Variants in EHMT1 observed in about 807,000 individuals in gnomAD.
EHMT1 encodes histone-lysine N-methyltransferase EHMT1.
A neutral mutation model predicts 147.2 loss-of-function variants in EHMT1; 15 were observed. The ratio of observed to expected loss-of-function variants is 0.10; its 90% CI spans 0.07 to 0.16. EHMT1 has a LOEUF of 0.16. Ranked by LOEUF, EHMT1 falls within the 10% of genes least tolerant of loss-of-function variation. The pLI, the probability that EHMT1 is intolerant of heterozygous loss-of-function variation, is 1.00. For missense variants in EHMT1, 1,587 were observed against 1,772.4 expected (o/e 0.90, Z 1.88); for synonymous variants, 795 against 709.6 (o/e 1.12, Z -1.91).
intron 3 of EHMT1, among the ~76,000 whole-genome samples, chr9:137,718,236 T>C (rs1945559891): frequency 6.6e-6 from 1 of 152,268 alleles, no homozygotes; most frequent in South Asian, 2.1e-4. Flanking sequence ...CGCGTGCTTC[T>C]CACACATGCT....
At position 137,731,592 on chromosome 9, in the gene EHMT1, T is replaced by G. The variant is rs1947115460; in HGVS notation, c.823+3063T>G. ...ACAGAGCAGGAATCGGGGTACGTCCTATCCTGTTGTCACAGGATCCCTTGA... is the reference window on the plus strand; with the variant it reads ...ACAGAGCAGGAATCGGGGTACGTCCGATCCTGTTGTCACAGGATCCCTTGA... On this transcript the variant is annotated intron_variant, in intron 4 of 26. Coordinates refer to ENST00000460843, the MANE Select transcript of EHMT1 (RefSeq NM_024757.5). This position sits in a 1 kb window ranked among gnomAD's most constrained non-coding sequence, Gnocchi z 4.3. Among the ~76,000 whole-genome samples the G allele has an allele frequency of 6.6e-6, 1 of 152,212 alleles. No homozygotes were observed. The highest frequency in any genetic ancestry group is 1.5e-5 in the Non-Finnish European group (1 of 68,036).
chr9:137,774,208 C>G (rs968153038), intron 10 of EHMT1, among the ~76,000 whole-genome samples: 20 of 152,372 alleles, frequency 1.3e-4, no homozygotes, highest in African/African-American at 4.8e-4. Flanking sequence ...TTCCTGGATA[C>G]CCAGCCCAGA....
intron 1 of EHMT1, among the ~76,000 whole-genome samples, chr9:137,654,613 A>G (rs1443193615): frequency 6.6e-6 from 1 of 151,936 alleles, no homozygotes; most frequent in African/African-American, 2.4e-5. Flanking sequence ...AAGTTTCCAT[A>G]TGAATTTTAG....
At chr9:137,697,983 T>TCG (rs1943530882) in intron 1 of EHMT1, among the ~76,000 whole-genome samples, 5 of 151,368 alleles carry the variant, frequency 3.3e-5, no homozygotes, top group African/African-American at 1.2e-4. Flanking sequence ...CTCCCCACTG[T>TCG]TGTGAGGGCA....
chr9:137,714,885 A>T (rs1405385154), intron 2 of EHMT1, among the ~76,000 whole-genome samples: 1 of 152,054 alleles, frequency 6.6e-6, no homozygotes, highest in African/African-American at 2.4e-5. Context: ...CAGCTTTGTA[A>T]TGTCATCCAT....
chr9:137,781,379 ATG>A (rs1428480822), intron 14 of EHMT1, among the ~76,000 whole-genome samples: 1 of 147,604 alleles, frequency 6.8e-6, no homozygotes, highest in Non-Finnish European at 1.5e-5. Flanking sequence ...TGACGCTGGG[ATG>A]TGTGGTGATG....
At position 137,779,541 on chromosome 9, in the gene EHMT1, G is replaced by T. The variant is rs1951220271; in HGVS notation, c.2193-94G>T. ...ACGCGGAGCCCCATGAGCTTGAGGG[G>T]CTGGTGGGGAGATGTCCGCCGGGCC... On this transcript the variant is annotated intron_variant, in intron 13 of 26. Coordinates refer to ENST00000460843, the MANE Select transcript of EHMT1 (RefSeq NM_024757.5). The T allele has an allele frequency of 2.5e-5, 33 of 1,338,452 alleles. No homozygotes were observed. In the South Asian group the frequency reaches 3.6e-4, roughly 15 times the overall value. The allele number at this position is 1,338,452 out of a possible 1,614,324, so 82.9% of individuals were successfully genotyped here. A position where few individuals can be genotyped will look rare whatever the true frequency, so the allele number is the denominator to read the frequency against.
At chr9:137,795,192 A>T (rs1338861525) in intron 16 of EHMT1, 1 of 152,204 alleles carries the variant, frequency 6.6e-6, no homozygotes, top group Non-Finnish European at 1.5e-5. Context: ...AACATCGGTA[A>T]GCTTCCAAAT....
intron 1 of EHMT1, among the ~76,000 whole-genome samples, chr9:137,694,874 C>T (rs1026043521): frequency 6.6e-6 from 1 of 152,216 alleles, no homozygotes; most frequent in Non-Finnish European, 1.5e-5. Flanking sequence ...CAGAATTGTA[C>T]TCTCGGTCTT....
At chr9:137,624,904 T>TG (rs1843159524) in intron 1 of EHMT1, among the ~76,000 whole-genome samples, 1 of 151,090 alleles carries the variant, frequency 6.6e-6, no homozygotes, top group African/African-American at 2.4e-5. Context: ...TTTTTTGAGA[T>TG]GGAGTTTTGC....
chr9:137,817,374 T>C, intron 23 of EHMT1, 65 bp from the exon 24 acceptor site: 1 of 1,593,992 alleles, frequency 6.3e-7, no homozygotes, highest in South Asian at 1.1e-5. Context: ...AGCTGGCTTT[T>C]GCTGACCATT....
At position 137,641,308 on chromosome 9, in the gene EHMT1, T is replaced by C. The variant is rs987067003; in HGVS notation, c.21+22259T>C. 82 of 459,426 alleles carry C rather than the reference T, an allele frequency of 1.8e-4. 1 individual carries two copies. The highest frequency in any genetic ancestry group is 1.3e-3 in the South Asian group (78 of 58,566). The allele number at this position is 459,426 out of a possible 1,614,324, so 28.5% of individuals were successfully genotyped here. Reference sequence around the variant, plus strand: ...TTCCGTGGACTTTGAAGATGGATCATGACTCTCATTCAGATGAAATTCTTT... The same window carrying C: ...TTCCGTGGACTTTGAAGATGGATCACGACTCTCATTCAGATGAAATTCTTT... On this transcript the variant is annotated intron_variant, in intron 1 of 26. Transcript: ENST00000460843.
intron 1 of EHMT1, among the ~76,000 whole-genome samples, chr9:137,702,668 G>T (rs1408619253): frequency 1.3e-5 from 2 of 152,188 alleles, no homozygotes; most frequent in South Asian, 2.1e-4. Flanking sequence ...CCATTCTGGG[G>T]TCTGGAGGGT....
chr9:137,793,722 A>G (rs1952695792), intron 16 of EHMT1, among the ~76,000 whole-genome samples: 1 of 152,184 alleles, frequency 6.6e-6, no homozygotes, highest in Non-Finnish European at 1.5e-5. Context: ...AAAGTAATGA[A>G]ATTTTGACCT....
chr9:137,697,617 A>C (rs549254143), intron 1 of EHMT1, among the ~76,000 whole-genome samples: 2 of 152,318 alleles, frequency 1.3e-5, no homozygotes, highest in African/African-American at 4.8e-5. Flanking sequence ...TTTCCTTTGG[A>C]TCATTTACAT....
intron 15 of EHMT1, chr9:137,784,403 T>C: frequency 8.2e-7 from 1 of 1,224,634 alleles, no homozygotes. Flanking sequence ...AGTGCCAGCC[T>C]TTTGAAGCCA....
intron 4 of EHMT1, among the ~76,000 whole-genome samples, chr9:137,742,599 C>G (rs1948198976): frequency 6.6e-6 from 1 of 152,170 alleles, no homozygotes; most frequent in Non-Finnish European, 1.5e-5. Flanking sequence ...GAACCTAGAA[C>G]TGCTTTGTTC....
At chr9:137,653,628 A>C (rs1436952727) in intron 1 of EHMT1, among the ~76,000 whole-genome samples, 1 of 151,846 alleles carries the variant, frequency 6.6e-6, no homozygotes, top group Non-Finnish European at 1.5e-5. Context: ...TCCCAGTTTC[A>C]AGCGATTCTC....
chr9:137,834,900 CAGG>C lies in EHMT1; in HGVS notation c.3849_3851del (p.Glu1283del). The C allele has an allele frequency of 6.2e-7, 1 of 1,601,700 alleles. No individual in the cohort carries two copies. Among genetic ancestry groups the C allele is most frequent in the Middle Eastern group, 2.0e-4 (1 of 4,896 alleles). The stretch of plus-strand genomic sequence containing the variant: ...TCAGGCCAGCGCGGCCCAGGAGGCC[CAGG>C]AGGACGGCTTGCCCGACACCAGCTC... On this transcript the variant is annotated inframe_deletion, in exon 27 of 27. Coordinates refer to ENST00000460843, the MANE Select transcript of EHMT1 (RefSeq NM_024757.5).
Sources: allele counts gnomAD v4.1 joint callset (sites outside exome capture counted in the v4.1 genomes callset), GRCh38; gene constraint gnomAD v4.1.1; non-coding constraint Gnocchi (gnomAD v3.1); transcripts MANE v1.5; gene names NCBI Gene and HGNC (gene_info 2026-07-23, HGNC 2026-07-21).